RPP14: variants seen among roughly 807,000 people sequenced by gnomAD.
The protein encoded by RPP14 is ribonuclease P protein subunit p14.
In RPP14, 19 loss-of-function variants were observed where a neutral mutation model predicts 17.8. The ratio of observed to expected loss-of-function variants is 1.07; its 90% confidence interval spans 0.74 to 1.57. RPP14 has a LOEUF of 1.57. RPP14 is among the 40% of genes most tolerant of loss of function. RPP14 has a pLI of 0.00. For missense variants in RPP14, 125 were observed against 140.8 expected (o/e 0.89, Z 0.57); for synonymous variants, 60 against 56.4 (o/e 1.06, Z -0.29).
At position 58,318,326 on chromosome 3, in the gene RPP14, T is replaced by A; in HGVS notation, c.*830T>A. ...AGACTTGAGTGTATGCAGGATTTCA[T>A]TATCTGCCTGGGTTTTTTGTTTGTT... On this transcript the variant is annotated 3_prime_UTR_variant, in exon 6 of 6. Coordinates refer to ENST00000295959, the MANE Select transcript of RPP14 (RefSeq NM_007042.6). 2 of 444,250 alleles carry A rather than the reference T, an allele frequency of 4.5e-6. No individual in the cohort carries two copies. The highest frequency in any genetic ancestry group is 7.9e-6 in the Non-Finnish European group (2 of 253,066). The allele number at this position is 444,250 out of a possible 1,614,324, so 27.5% of individuals were successfully genotyped here.
In RPP14 at chr3:58,319,335, A is replaced by G. The variant is rs181703292; in HGVS notation, c.*1839A>G. 27 of 152,302 alleles carry G rather than the reference A, an allele frequency of 1.8e-4. No homozygotes were observed. The highest frequency in any genetic ancestry group is 1.6e-3 in the Admixed American group (25 of 15,292). 9.4% of individuals were successfully genotyped at this position (152,302 alleles called of 1,614,324 possible). A position where few individuals can be genotyped will look rare whatever the true frequency, so the allele number is the denominator to read the frequency against. ...ATGTAAACGGTCTGATCTGTAAAAT[A>G]GTGGTAGCACATGCCATGTGGGATA... On this transcript the variant is annotated 3_prime_UTR_variant, in exon 6 of 6. Coordinates refer to ENST00000295959, the MANE Select transcript of RPP14 (RefSeq NM_007042.6).
chr3:58,314,450 G>T (rs1261588804), intron 3 of RPP14, among the ~76,000 whole-genome samples: 1 of 152,164 alleles, frequency 6.6e-6, no homozygotes, highest in African/African-American at 2.4e-5. Flanking sequence ...TTTTGCTAAA[G>T]AGAATGTGTG....
rs866592809 is a variant in RPP14 at position 58,319,792 on chromosome 3, C to G, written c.*2296C>G. ...CCAACACAGCCAACACTTTTGTTTC[C>G]CATTTTTTTTTGTTTCCCGTTTTTT... On this transcript the variant is annotated 3_prime_UTR_variant, in exon 6 of 6. Transcript: ENST00000295959. The G allele has an allele frequency of 6.6e-6, 1 of 152,008 alleles. No homozygotes were observed. The highest frequency in any genetic ancestry group is 1.5e-5 in the Non-Finnish European group (1 of 68,004). 9.4% of individuals were successfully genotyped at this position (152,008 alleles called of 1,614,324 possible).
intron 1 of RPP14, among the ~76,000 whole-genome samples, chr3:58,309,113 A>C (rs2097479085): frequency 6.6e-6 from 1 of 152,260 alleles, no homozygotes; most frequent in Non-Finnish European, 1.5e-5. Flanking sequence ...GAGCAGGCAG[A>C]CACAGGATGG....
chr3:58,310,637 G>A (rs771611634), intron 3 of RPP14, 46 bp downstream of exon 3: 64 of 1,534,114 alleles, frequency 4.2e-5, no homozygotes, highest in Non-Finnish European at 5.2e-5. Context: ...ATCTTTGTAA[G>A]AAATACAGAA....
rs2107512165 is a variant in RPP14 at position 58,318,705 on chromosome 3, G to T, written c.*1209G>T. ...AGAAGTATTGGGAAGGTTATTTAAAGACTCTACTTTTAAATCAGGCGTGGC... is the reference window on the plus strand; with the variant it reads ...AGAAGTATTGGGAAGGTTATTTAAATACTCTACTTTTAAATCAGGCGTGGC... On this transcript the variant is annotated 3_prime_UTR_variant, in exon 6 of 6. Coordinates refer to ENST00000295959, the MANE Select transcript of RPP14 (RefSeq NM_007042.6). 6.7e-6 allele frequency: 1 copy of T among 150,050 alleles called. No homozygotes were observed. The highest frequency in any genetic ancestry group is 2.5e-5 in the African/African-American group (1 of 40,794). The allele number at this position is 150,050 out of a possible 1,614,324, so 9.3% of individuals were successfully genotyped here.
chr3:58,309,721 C>G (rs545455268), intron 1 of RPP14, among the ~76,000 whole-genome samples: 1 of 152,116 alleles, frequency 6.6e-6, no homozygotes, highest in Non-Finnish European at 1.5e-5. Flanking sequence ...GAAACCCTGT[C>G]TCTACTAAAA....
intron 1 of RPP14, chr3:58,310,084 C>G (rs1310498072): frequency 1.2e-5 from 6 of 499,100 alleles, no homozygotes; most frequent in African/African-American, 1.2e-4. Flanking sequence ...CCTATACTCC[C>G]AGCTACTCAG....
At chr3:58,317,108 A>G (rs2097489122) in intron 5 of RPP14, 115 bp downstream of exon 5, 2 of 742,662 alleles carry the variant, frequency 2.7e-6, no homozygotes, top group Admixed American at 2.8e-5. Context: ...AAAATGATCT[A>G]AGTAGGGGAA....
intron 1 of RPP14, among the ~76,000 whole-genome samples, chr3:58,307,256 T>TA (rs998650544): frequency 2.0e-5 from 3 of 152,184 alleles, no homozygotes; most frequent in Non-Finnish European, 2.9e-5. Context: ...ACTTTGGCCT[T>TA]ACTCTGGATA....
intron 5 of RPP14, 54 bp from the exon 6 acceptor site, chr3:58,317,386 C>T: frequency 1.7e-6 from 2 of 1,207,636 alleles, no homozygotes; most frequent in African/African-American, 1.5e-5. Context: ...CCCCATTGCC[C>T]TGTGCTTCAG....
chr3:58,311,136 TTTG>T (rs144147590), intron 3 of RPP14, among the ~76,000 whole-genome samples: 102,310 of 150,092 alleles, frequency 0.68, 35,519 homozygotes, highest in East Asian at 0.99. Flanking sequence ...AAATCTACTT[TTTG>T]TTGTTGTTGT....
rs2097486821 is a variant in RPP14 at position 58,315,015 on chromosome 3, C to T, written c.163-1500C>T. Among the ~76,000 whole-genome samples, 6 of 152,092 alleles carry T rather than the reference C, an allele frequency of 3.9e-5. No homozygotes were observed. In the South Asian group the frequency reaches 1.2e-3, roughly 32 times the overall value. ...TATCTTTAACAAACTAAACGTGCAT[C>T]TGCCATAGAACCCAGCATTAGCACT... On this transcript the variant is annotated intron_variant, in intron 3 of 5. Coordinates refer to ENST00000295959, the MANE Select transcript of RPP14 (RefSeq NM_007042.6).
At chr3:58,307,344 T>C (rs1020945531) in intron 1 of RPP14, among the ~76,000 whole-genome samples, 2 of 152,168 alleles carry the variant, frequency 1.3e-5, no homozygotes, top group African/African-American at 2.4e-5. Context: ...CTGGCCGCCG[T>C]AGGGATGGAG....
rs1482175089 is a variant in RPP14 at position 58,310,424 on chromosome 3, A to C, written c.77+18A>C. 4.3e-6 allele frequency: 7 copies of C among 1,612,548 alleles called. No individual in the cohort carries two copies. The East Asian group carries it at 1.1e-4, about 26-fold the overall frequency. On this transcript the variant is annotated intron_variant, in intron 2 of 5. Transcript: ENST00000295959. ...GTCTGCCTGTAAGTTTAGTTTCCTA[A>C]GTTCTATTTTAGATTACTTTTCTAA...
At chr3:58,312,332 G>GCCCCC (rs1217680908) in intron 3 of RPP14, among the ~76,000 whole-genome samples, 39 of 85,304 alleles carry the variant, frequency 4.6e-4, no homozygotes, top group Middle Eastern at 6.1e-3. Flanking sequence ...CACAACCTCC[G>GCCCCC]CACCCCCCCC....
intron 1 of RPP14, 78 bp downstream of exon 1, chr3:58,306,495 G>C (rs1044971614): frequency 2.6e-5 from 4 of 152,280 alleles, no homozygotes; most frequent in African/African-American, 9.6e-5. Flanking sequence ...CATGCGCGGG[G>C]CGGGCGGTGC....
At chr3:58,314,761 T>G (rs2097486552) in intron 3 of RPP14, among the ~76,000 whole-genome samples, 1 of 143,392 alleles carries the variant, frequency 7.0e-6, no homozygotes, top group African/African-American at 2.6e-5. Flanking sequence ...CTTGGCTCAC[T>G]GCAACCTCCG....
At position 58,317,981 on chromosome 3, in the gene RPP14, T is replaced by C; in HGVS notation, c.*485T>C. The C allele has an allele frequency of 1.4e-6, 1 of 702,996 alleles. No individual in the cohort carries two copies. Among genetic ancestry groups the C allele is most frequent in the Non-Finnish European group, 2.6e-6 (1 of 385,004 alleles). 43.5% of individuals were successfully genotyped at this position (702,996 alleles called of 1,614,324 possible). ...CCAGCCCCTTTATATATTGGAGAAG[T>C]TGTTTTAGCTTCTGCAGAAGTGAAA... On this transcript the variant is annotated 3_prime_UTR_variant, in exon 6 of 6. Transcript: ENST00000295959.
Sources: allele counts gnomAD v4.1 joint callset (sites outside exome capture counted in the v4.1 genomes callset), GRCh38; gene constraint gnomAD v4.1.1; transcripts MANE v1.5; gene names NCBI Gene and HGNC (gene_info 2026-07-23, HGNC 2026-07-21).